PDE4D: variants seen among roughly 807,000 people sequenced by gnomAD.
PDE4D encodes 3',5'-cyclic-AMP phosphodiesterase 4D.
A neutral mutation model predicts 87.4 loss-of-function variants in PDE4D; 24 were observed. The ratio of observed to expected loss-of-function variants is 0.27; its 90% CI spans 0.20 to 0.39. The LOEUF (loss-of-function observed/expected upper bound fraction) is 0.39, where lower values mean the gene tolerates loss of function less well. PDE4D is among the 10% of genes least tolerant of loss of function. PDE4D has a pLI of 1.00. For missense variants in PDE4D, 714 were observed against 1,041.0 expected (o/e 0.69, Z 4.32); for synonymous variants, 384 against 383.2 (o/e 1.00, Z -0.02).
intron 1 of PDE4D, among the ~76,000 whole-genome samples, chr5:59,701,094 T>C (rs1269573415): frequency 1.3e-5 from 2 of 152,324 alleles, no homozygotes; most frequent in Admixed American, 1.3e-4. Flanking sequence ...ACTGAACTAC[T>C]AAATCATCCC....
intron 2 of PDE4D, among the ~76,000 whole-genome samples, chr5:60,028,823 C>T (rs1000083787): frequency 2.6e-5 from 4 of 152,154 alleles, no homozygotes; most frequent in Non-Finnish European, 4.4e-5. Context: ...GCACTCAATA[C>T]ATATTGATTT....
intron 2 of PDE4D, among the ~76,000 whole-genome samples, chr5:60,049,152 T>G (rs1769740853): frequency 1.3e-5 from 2 of 152,256 alleles, no homozygotes; most frequent in African/African-American, 4.8e-5. Flanking sequence ...TTCCAGTTGA[T>G]TGCATCAGCT....
At chr5:60,188,090 T>C (rs1180051916) in intron 1 of PDE4D, among the ~76,000 whole-genome samples, 1 of 152,192 alleles carries the variant, frequency 6.6e-6, no homozygotes, top group Non-Finnish European at 1.5e-5. Context: ...TCTTGTTTTT[T>C]CTTCTATAAG....
At position 60,019,101 on chromosome 5, in the gene PDE4D, C is replaced by A. The variant is rs371897593; in HGVS notation, c.43-30384G>T. ...TAATTGGAAGTAAAACACTCCTCAG[C>A]AAATGCAAATGAACTGAAATCATAA... On this transcript the variant is annotated intron_variant, in intron 2 of 16. Coordinates refer to the PDE4D transcript ENST00000502484. Among the ~76,000 whole-genome samples, 5 of 152,288 alleles carry A rather than the reference C, an allele frequency of 3.3e-5. No individual in the cohort carries two copies. The East Asian group carries it at 9.6e-4, about 29-fold the overall frequency.
intron 1 of PDE4D, among the ~76,000 whole-genome samples, chr5:59,853,508 T>C (rs1744982935): frequency 6.6e-6 from 1 of 152,100 alleles, no homozygotes; most frequent in African/African-American, 2.4e-5. Flanking sequence ...CCTATGCATA[T>C]GTTATAAATT....
chr5:59,857,530 T>A (rs1274908208), intron 1 of PDE4D, among the ~76,000 whole-genome samples: 1 of 152,172 alleles, frequency 6.6e-6, no homozygotes, highest in African/African-American at 2.4e-5. Flanking sequence ...AAATAAATTA[T>A]GACTAAAACC....
intron 1 of PDE4D, among the ~76,000 whole-genome samples, chr5:59,762,138 A>C (rs1435520265): frequency 6.6e-6 from 1 of 151,768 alleles, no homozygotes; most frequent in East Asian, 1.9e-4. Flanking sequence ...AGGTATATAG[A>C]TATATATATG....
chr5:59,585,032 C>T (rs749716768), intron 1 of PDE4D, among the ~76,000 whole-genome samples: 1 of 152,148 alleles, frequency 6.6e-6, no homozygotes, highest in African/African-American at 2.4e-5. Flanking sequence ...ACCAAGGCTC[C>T]CCCTGACTAG....
chr5:59,698,351 C>T (rs1042800980), intron 1 of PDE4D, among the ~76,000 whole-genome samples: 8 of 152,048 alleles, frequency 5.3e-5, no homozygotes, highest in African/African-American at 1.9e-4. Flanking sequence ...ACATAGTAAT[C>T]ATCTTGACCC....
At chr5:58,985,490 A>C (rs1162801039) in intron 11 of PDE4D, among the ~76,000 whole-genome samples, 1 of 152,222 alleles carries the variant, frequency 6.6e-6, no homozygotes, top group Admixed American at 6.5e-5. Flanking sequence ...AAGCAGGAGG[A>C]TTAACTGCCC....
chr5:58,989,075 C>T (rs963171463), intron 10 of PDE4D, among the ~76,000 whole-genome samples: 4 of 152,076 alleles, frequency 2.6e-5, no homozygotes, highest in African/African-American at 9.7e-5. Context: ...AATTCCTGGC[C>T]TCTACCAACA....
intron 3 of PDE4D, among the ~76,000 whole-genome samples, chr5:59,974,179 G>A (rs1761068899): frequency 6.6e-6 from 1 of 152,046 alleles, no homozygotes; most frequent in Non-Finnish European, 1.5e-5. Context: ...GCTAAAATTG[G>A]CAGCATGACG....
chr5:59,011,249 G>T (rs1432033306), intron 6 of PDE4D, among the ~76,000 whole-genome samples: 1 of 152,170 alleles, frequency 6.6e-6, no homozygotes, highest in Non-Finnish European at 1.5e-5. Context: ...TCCTCCAAAG[G>T]AATGCAGCTC....
At chr5:59,264,206 C>T (rs190350683) in intron 1 of PDE4D, among the ~76,000 whole-genome samples, 2 of 152,088 alleles carry the variant, frequency 1.3e-5, no homozygotes, top group Admixed American at 1.3e-4. Flanking sequence ...ACCAATGGAT[C>T]ACAGCACATT....
At chr5:59,150,213 T>C (rs907561593) in intron 5 of PDE4D, among the ~76,000 whole-genome samples, 3 of 152,084 alleles carry the variant, frequency 2.0e-5, no homozygotes, top group African/African-American at 7.2e-5. Context: ...GAGAAGCCAG[T>C]ACTTGCCTTT....
intron 1 of PDE4D, among the ~76,000 whole-genome samples, chr5:59,493,162 A>G (rs1187770075): frequency 6.6e-6 from 1 of 152,178 alleles, no homozygotes; most frequent in Non-Finnish European, 1.5e-5. Flanking sequence ...TTTTATTGCA[A>G]TATTTTAGGC....
intron 1 of PDE4D, among the ~76,000 whole-genome samples, chr5:60,244,825 T>C (rs1311500077): frequency 6.6e-6 from 1 of 151,900 alleles, no homozygotes; most frequent in Non-Finnish European, 1.5e-5. Context: ...ATCTAAGACC[T>C]CAAACTATGA....
At chr5:59,282,497 G>A (rs1472861892) in intron 1 of PDE4D, among the ~76,000 whole-genome samples, 1 of 151,766 alleles carries the variant, frequency 6.6e-6, no homozygotes. Context: ...ACAAAACTTA[G>A]CTGGGTGTGG....
intron 1 of PDE4D, among the ~76,000 whole-genome samples, chr5:59,244,120 G>T (rs374716553): frequency 1.2e-3 from 180 of 152,086 alleles, no homozygotes; most frequent in African/African-American, 4.2e-3. Context: ...AGCGAAGAAT[G>T]CAGAATAAAA....
Sources: allele counts gnomAD v4.1 joint callset (sites outside exome capture counted in the v4.1 genomes callset), GRCh38; gene constraint gnomAD v4.1.1; transcripts MANE v1.5; gene names NCBI Gene and HGNC (gene_info 2026-07-23, HGNC 2026-07-21).